SLC4A4: variants seen among roughly 807,000 people sequenced by gnomAD.
SLC4A4 encodes the protein solute carrier family 4 member 4.
Under a neutral mutation model 111.5 loss-of-function variants are expected in SLC4A4, and 27 were observed. The observed-to-expected ratio is 0.24, with a 90% CI of 0.18 to 0.33. The LOEUF is 0.33. Ranked by LOEUF, SLC4A4 falls within the 10% of genes least tolerant of loss-of-function variation. The pLI, the probability that SLC4A4 is intolerant of heterozygous loss-of-function variation, is 1.00. For synonymous variants in SLC4A4, 443 were observed against 463.4 expected (o/e 0.96, Z 0.57); for missense variants, 909 against 1,315.5 (o/e 0.69, Z 4.78).
chr4:71,182,508 A>C (rs1271547540), upstream of SLC4A4, among the ~76,000 whole-genome samples: 1 of 152,110 alleles, frequency 6.6e-6, no homozygotes, highest in Non-Finnish European at 1.5e-5. Flanking sequence ...GTGGTCGGTT[A>C]GTCCATAGGG....
At chr4:71,365,546 A>C (rs1731164744) in intron 6 of SLC4A4, among the ~76,000 whole-genome samples, 1 of 152,178 alleles carries the variant, frequency 6.6e-6, no homozygotes, top group Admixed American at 6.5e-5. Context: ...AGGAGGGGAT[A>C]AATTAAGGTC....
chr4:71,508,397 A>T (rs1255995256), intron 16 of SLC4A4, among the ~76,000 whole-genome samples: 1 of 152,122 alleles, frequency 6.6e-6, no homozygotes, highest in East Asian at 1.9e-4. Flanking sequence ...GAAATGATAC[A>T]GGGGGATATC....
At chr4:71,229,319 A>G (rs1014402992) in intron 1 of SLC4A4, among the ~76,000 whole-genome samples, 1 of 152,206 alleles carries the variant, frequency 6.6e-6, no homozygotes, top group Non-Finnish European at 1.5e-5. Flanking sequence ...AGACATGTGG[A>G]TTAATTCTGG....
intron 3 of SLC4A4, among the ~76,000 whole-genome samples, chr4:71,263,355 C>T (rs1722008297): frequency 6.6e-6 from 1 of 152,124 alleles, no homozygotes; most frequent in Admixed American, 6.5e-5. Context: ...ATATGTAATG[C>T]TTCAAATGGT....
chr4:71,514,722 T>C (rs1310275809), intron 16 of SLC4A4, among the ~76,000 whole-genome samples: 1 of 152,168 alleles, frequency 6.6e-6, no homozygotes, highest in Non-Finnish European at 1.5e-5. Flanking sequence ...TCAATTTTAA[T>C]TGGCATGTTT....
chr4:71,090,784 A>G (rs114175192), intron 1 of SLC4A4, among the ~76,000 whole-genome samples: 2,137 of 152,318 alleles, frequency 0.014, 49 homozygotes, highest in African/African-American at 0.049. Flanking sequence ...AATTAGTCAG[A>G]GTTGTTCAGA....
chr4:71,125,447 G>A (rs1743534936), intron 2 of SLC4A4, among the ~76,000 whole-genome samples: 1 of 152,128 alleles, frequency 6.6e-6, no homozygotes, highest in South Asian at 2.1e-4. Flanking sequence ...GGGTGGCACA[G>A]GCCTCAGGAG....
chr4:71,277,113 C>T (rs142413278), intron 3 of SLC4A4, among the ~76,000 whole-genome samples: 7 of 152,216 alleles, frequency 4.6e-5, no homozygotes, highest in African/African-American at 7.2e-5. Context: ...ATTGTGCACA[C>T]GCTTTTGAAT....
chr4:71,262,152 GA>G (rs1215016752), intron 3 of SLC4A4, among the ~76,000 whole-genome samples: 1 of 152,058 alleles, frequency 6.6e-6, no homozygotes, highest in Non-Finnish European at 1.5e-5. Flanking sequence ...TGAATGCACT[GA>G]AAAAAAGAAA....
At chr4:71,340,763 CCTATTACATATT>C (rs1055038372) in intron 4 of SLC4A4, among the ~76,000 whole-genome samples, 17 of 151,866 alleles carry the variant, frequency 1.1e-4, no homozygotes, top group Admixed American at 1.0e-3. Context: ...GATAATAATG[CCTATTACATATT>C]ATATATGTAT....
chr4:71,348,823 C>G (rs1729563713), intron 4 of SLC4A4, among the ~76,000 whole-genome samples: 1 of 152,158 alleles, frequency 6.6e-6, no homozygotes, highest in African/African-American at 2.4e-5. Context: ...CCTCTGATCT[C>G]TGCCCTTTGT....
At chr4:71,468,490 A>G (rs1053476133) in intron 13 of SLC4A4, among the ~76,000 whole-genome samples, 1 of 152,040 alleles carries the variant, frequency 6.6e-6, no homozygotes, top group Admixed American at 6.6e-5. Flanking sequence ...AATTGGTAAC[A>G]TAACATAGTT....
At position 71,240,439 on chromosome 4, in the gene SLC4A4, G is replaced by A. The variant is rs373391819; in HGVS notation, c.73+3790G>A. 9.8e-5 allele frequency among the ~76,000 whole-genome samples: 15 copies of A among 152,310 alleles called. No individual in the cohort carries two copies. In the South Asian group the frequency reaches 3.1e-3, roughly 32 times the overall value. On this transcript the variant is annotated intron_variant, in intron 2 of 25. Coordinates refer to ENST00000264485, the MANE Select transcript of SLC4A4 (RefSeq NM_001098484.3). The stretch of plus-strand genomic sequence containing the variant: ...AAGATGCAGTAACACAGTATTGGTT[G>A]AAATGTGTCTCCATTTTTGAGGCTT...
intron 2 of SLC4A4, among the ~76,000 whole-genome samples, chr4:71,239,366 A>G (rs1369046303): frequency 6.6e-6 from 1 of 152,180 alleles, no homozygotes; most frequent in East Asian, 1.9e-4. Flanking sequence ...TTACTTTGAA[A>G]TATTTGTGCT....
chr4:71,172,252 T>C (rs1332965700), intron 2 of SLC4A4, among the ~76,000 whole-genome samples: 3 of 151,956 alleles, frequency 2.0e-5, no homozygotes, highest in African/African-American at 4.8e-5. Flanking sequence ...ATATTTTCTT[T>C]TTCTTTCTTT....
At chr4:71,408,577 A>T (rs1721082234) in intron 7 of SLC4A4, among the ~76,000 whole-genome samples, 1 of 152,142 alleles carries the variant, frequency 6.6e-6, no homozygotes, top group South Asian at 2.1e-4. Context: ...TCTGCTCTAT[A>T]CTGCTCTATC....
intron 3 of SLC4A4, among the ~76,000 whole-genome samples, chr4:71,259,207 GAGATGGC>G (rs1280185004): frequency 2.0e-5 from 3 of 152,178 alleles, no homozygotes; most frequent in Non-Finnish European, 4.4e-5. Flanking sequence ...GCACATTAAG[GAGATGGC>G]ATAATTAACA....
intron 16 of SLC4A4, among the ~76,000 whole-genome samples, chr4:71,531,754 TACACACACAC>T (rs56164928): frequency 0.16 from 20,254 of 128,030 alleles, 1,782 homozygotes; most frequent in Middle Eastern, 0.21. Context: ...CCTCCCTGCC[TACACACACAC>T]ACACACACAC....
rs141174967 is a variant in SLC4A4, at chr4:71,564,594, AGCAGGTAGCAATT to A, written c.3196+708_3196+720del. On this transcript the variant is annotated intron_variant, in intron 24 of 25. Transcript: ENST00000264485. ...AGTGACCATTTCAGACTTTCCCAAT[AGCAGGTAGCAATT>A]GCCATCAAGCTACTTTCTACTTTGC... Among the ~76,000 whole-genome samples, 228 of 152,026 alleles carry A rather than the reference AGCAGGTAGCAATT, an allele frequency of 1.5e-3. 1 individual carries two copies. The highest frequency in any genetic ancestry group is 5.3e-3 in the African/African-American group (221 of 41,544).
Sources: allele counts gnomAD v4.1 joint callset (sites outside exome capture counted in the v4.1 genomes callset), GRCh38; gene constraint gnomAD v4.1.1; transcripts MANE v1.5; gene names NCBI Gene and HGNC (gene_info 2026-07-23, HGNC 2026-07-21).